The following ERC2 variants were observed in gnomAD, a reference collection of about 807,000 sequenced individuals.
ERC2 encodes the protein ELKS/RAB6-interacting/CAST family member 2, also known as ERC protein 2.
Under a neutral mutation model 114.8 loss-of-function variants are expected in ERC2, and 42 were observed. The ratio of observed to expected loss-of-function variants is 0.37; its 90% CI spans 0.29 to 0.47. The LOEUF is 0.47. Ranked by LOEUF, ERC2 falls within the 20% of genes least tolerant of loss-of-function variation. The pLI is 0.99. For missense variants in ERC2, 939 were observed against 1,150.7 expected (o/e 0.82, Z 2.66); for synonymous variants, 454 against 425.5 (o/e 1.07, Z -0.82).
At chr3:56,063,387 T>C (rs1478071389) in intron 7 of ERC2, among the ~76,000 whole-genome samples, 2 of 152,250 alleles carry the variant, frequency 1.3e-5, no homozygotes, top group African/African-American at 2.4e-5. Flanking sequence ...TTAAAAATTA[T>C]CTTTGTGAAA....
chr3:55,935,155 T>C (rs1441385072), intron 13 of ERC2, among the ~76,000 whole-genome samples: 3 of 152,210 alleles, frequency 2.0e-5, no homozygotes, highest in Non-Finnish European at 4.4e-5. Context: ...AGAATAAGGC[T>C]GCTGATCAAA....
chr3:55,645,687 T>TG (rs1209217557), intron 17 of ERC2, among the ~76,000 whole-genome samples: 2 of 152,170 alleles, frequency 1.3e-5, no homozygotes, highest in African/African-American at 2.4e-5. Flanking sequence ...CTCGACACAG[T>TG]GGGGGGCCCA....
intron 3 of ERC2, among the ~76,000 whole-genome samples, chr3:56,257,765 C>CA (rs1347892763): frequency 2.0e-5 from 3 of 152,038 alleles, no homozygotes; most frequent in Admixed American, 6.5e-5. Flanking sequence ...TCTTTGTCTA[C>CA]AAAAAAGGGG....
At chr3:55,904,915 A>ACAG (rs1491188799) in intron 13 of ERC2, among the ~76,000 whole-genome samples, 1 of 152,234 alleles carries the variant, frequency 6.6e-6, no homozygotes, top group Admixed American at 6.5e-5. Context: ...GGTTTAACTT[A>ACAG]CAGTGTTTGG....
rs533493956 is a variant in ERC2 at position 56,214,328 on chromosome 3, G to A, written c.1075-40808C>T. ...CTGATGGAGCTGAAAACTACAGCAC[G>A]AGAACTACGTGATGAATGCACAAGC... On this transcript the variant is annotated intron_variant, in intron 3 of 17. Coordinates refer to ENST00000288221, the MANE Select transcript of ERC2 (RefSeq NM_015576.3). Among the ~76,000 whole-genome samples the A allele has an allele frequency of 7.6e-4, 114 of 150,776 alleles. 4 individuals are homozygous for A. The highest frequency in any genetic ancestry group is 2.7e-3 in the African/African-American group (112 of 40,738).
At chr3:55,760,616 A>G (rs1250714114) in intron 14 of ERC2, among the ~76,000 whole-genome samples, 1 of 152,208 alleles carries the variant, frequency 6.6e-6, no homozygotes, top group African/African-American at 2.4e-5. Flanking sequence ...GGATCACAAC[A>G]GTAGAGAAAG....
At chr3:56,397,831 C>T (rs926182847) in intron 2 of ERC2, among the ~76,000 whole-genome samples, 17 of 152,194 alleles carry the variant, frequency 1.1e-4, no homozygotes, top group Middle Eastern at 3.2e-3. Context: ...CTTGTTACTC[C>T]GCCATGCATG....
Position 56,136,461 on chromosome 3 carries a change from A to T in ERC2, c.1473+3048T>A, listed in dbSNP as rs1456022979. On this transcript the variant is annotated intron_variant, in intron 6 of 17. Transcript: ENST00000288221. Reference sequence around the variant, plus strand: ...CCTTTTATTTTAGGTTCACGGATACATGTGTGGGTTTGTTGTATAGGTAAA... The same window carrying T: ...CCTTTTATTTTAGGTTCACGGATACTTGTGTGGGTTTGTTGTATAGGTAAA... Among the ~76,000 whole-genome samples the T allele has an allele frequency of 2.6e-5, 4 of 152,030 alleles. No individual in the cohort carries two copies. In the East Asian group the frequency reaches 5.8e-4, roughly 22 times the overall value.
intron 3 of ERC2, among the ~76,000 whole-genome samples, chr3:56,212,057 C>T (rs774393511): frequency 6.6e-6 from 1 of 151,906 alleles, no homozygotes; most frequent in Non-Finnish European, 1.5e-5. Context: ...TGACCAAGAA[C>T]CCAAAAGCAA....
intron 17 of ERC2, among the ~76,000 whole-genome samples, chr3:55,534,227 T>G (rs1180821489): frequency 6.6e-6 from 1 of 152,150 alleles, no homozygotes; most frequent in Admixed American, 6.5e-5. Flanking sequence ...AAGACCAGCC[T>G]GAGCAACATA....
At chr3:55,999,188 G>T (rs1334561742) in intron 10 of ERC2, among the ~76,000 whole-genome samples, 1 of 152,118 alleles carries the variant, frequency 6.6e-6, no homozygotes, top group Non-Finnish European at 1.5e-5. Context: ...GGAAGAAAAA[G>T]AACCCAACTG....
chr3:56,036,970 G>C (rs945416128), intron 7 of ERC2, among the ~76,000 whole-genome samples: 1 of 151,944 alleles, frequency 6.6e-6, no homozygotes, highest in African/African-American at 2.4e-5. Context: ...TGTTAAAAGA[G>C]AAACAAACAA....
intron 12 of ERC2, among the ~76,000 whole-genome samples, chr3:55,961,879 A>G (rs1245813630): frequency 6.6e-6 from 1 of 151,122 alleles, no homozygotes; most frequent in Non-Finnish European, 1.5e-5. Context: ...GCCACAAAAA[A>G]CCTGGACTGA....
intron 2 of ERC2, among the ~76,000 whole-genome samples, chr3:56,369,753 T>C (rs1472688283): frequency 2.0e-5 from 3 of 152,068 alleles, no homozygotes; most frequent in Non-Finnish European, 4.4e-5. Flanking sequence ...CTCAGCTCAC[T>C]GCAACCTCTG....
intron 14 of ERC2, among the ~76,000 whole-genome samples, chr3:55,833,129 C>T (rs1219133931): frequency 2.0e-5 from 3 of 149,788 alleles, no homozygotes; most frequent in African/African-American, 7.6e-5. Context: ...AAATCTACGT[C>T]TGATTGGTGT....
intron 14 of ERC2, among the ~76,000 whole-genome samples, chr3:55,884,255 T>A (rs529725581): frequency 2.2e-4 from 33 of 152,252 alleles, no homozygotes; most frequent in Non-Finnish European, 1.5e-5. Context: ...TAATTAAAAA[T>A]AATGCAATCC....
intron 13 of ERC2, among the ~76,000 whole-genome samples, chr3:55,947,423 C>T (rs1482928753): frequency 6.6e-6 from 1 of 152,238 alleles, no homozygotes; most frequent in African/African-American, 2.4e-5. Context: ...TACTCCCGTA[C>T]ATTTTTGTCT....
At chr3:56,344,489 G>C (rs1461759269) in intron 2 of ERC2, among the ~76,000 whole-genome samples, 2 of 152,116 alleles carry the variant, frequency 1.3e-5, no homozygotes, top group Non-Finnish European at 2.9e-5. Context: ...GAAGAGCCAG[G>C]AGCCAGGAGT....
chr3:56,221,156 A>ATC (rs2049878800), intron 3 of ERC2, among the ~76,000 whole-genome samples: 1 of 151,994 alleles, frequency 6.6e-6, no homozygotes, highest in African/African-American at 2.4e-5. Flanking sequence ...TAATTTGAAA[A>ATC]TTGAAAATTT....
Sources: allele counts gnomAD v4.1 joint callset (sites outside exome capture counted in the v4.1 genomes callset), GRCh38; gene constraint gnomAD v4.1.1; transcripts MANE v1.5; gene names NCBI Gene and HGNC (gene_info 2026-07-23, HGNC 2026-07-21).